The following CDH9 variants were observed in gnomAD, a reference collection of about 807,000 sequenced individuals.
CDH9 encodes cadherin-9.
Under a neutral mutation model 70.9 loss-of-function variants are expected in CDH9, and 28 were observed. The observed-to-expected ratio is 0.40, with a 90% CI of 0.29 to 0.54. The LOEUF (loss-of-function observed/expected upper bound fraction) is 0.54, where lower values mean the gene tolerates loss of function less well. CDH9 is among the 20% of genes least tolerant of loss of function. CDH9 has a pLI of 0.59. For synonymous variants in CDH9, 409 were observed against 343.1 expected, an observed-to-expected ratio of 1.19 and a Z score of -2.12; for missense variants, 874 against 984.4, an observed-to-expected ratio of 0.89 and a Z score of 1.50.
At chr5:27,019,580 C>A (rs1743102122) in intron 1 of CDH9, among the ~76,000 whole-genome samples, 1 of 151,710 alleles carries the variant, frequency 6.6e-6, no homozygotes, top group Non-Finnish European at 1.5e-5. Context: ...TTATATGTAG[C>A]ATTTACATAT....
chr5:26,942,618 GA>G (rs1741683254), intron 2 of CDH9, among the ~76,000 whole-genome samples: 1 of 152,078 alleles, frequency 6.6e-6, no homozygotes, highest in African/African-American at 2.4e-5. Context: ...TTTTGGCCAA[GA>G]CAGGATAAGA....
chr5:26,988,013 T>A, intron 2 of CDH9, 93 bp downstream of exon 2: 1 of 820,616 alleles, frequency 1.2e-6, no homozygotes, highest in South Asian at 1.7e-5. Flanking sequence ...AGTTAAATAT[T>A]TTTTAATAAT....
chr5:27,004,198 A>G (rs1433587087), intron 1 of CDH9, among the ~76,000 whole-genome samples: 1 of 151,754 alleles, frequency 6.6e-6, no homozygotes, highest in Non-Finnish European at 1.5e-5. Context: ...AGACATGATG[A>G]TATCAATGGG....
chr5:27,008,032 A>G (rs1742897402), intron 1 of CDH9, among the ~76,000 whole-genome samples: 1 of 152,220 alleles, frequency 6.6e-6, no homozygotes. Flanking sequence ...CATGTGGAAC[A>G]GAAAAACTGA....
At chr5:27,005,093 G>T (rs1467598140) in intron 1 of CDH9, among the ~76,000 whole-genome samples, 1 of 151,882 alleles carries the variant, frequency 6.6e-6, no homozygotes, top group African/African-American at 2.4e-5. Context: ...GTAATAGGAT[G>T]GACAATTCTT....
intron 11 of CDH9, among the ~76,000 whole-genome samples, chr5:26,884,771 T>G (rs1332697911): frequency 6.6e-6 from 1 of 152,146 alleles, no homozygotes; most frequent in African/African-American, 2.4e-5. Flanking sequence ...TCTCCTGCCC[T>G]AAGCATAAGC....
At chr5:26,970,337 T>C (rs1196254493) in intron 2 of CDH9, among the ~76,000 whole-genome samples, 1 of 152,012 alleles carries the variant, frequency 6.6e-6, no homozygotes, top group Non-Finnish European at 1.5e-5. Context: ...TTCAAGTAGC[T>C]ATGTAAAGAA....
chr5:26,974,260 AAG>A (rs1742268186), intron 2 of CDH9, among the ~76,000 whole-genome samples: 1 of 152,092 alleles, frequency 6.6e-6, no homozygotes, highest in South Asian at 2.1e-4. Flanking sequence ...ATAGAAAAGA[AAG>A]AAGTTAAAAA....
At chr5:26,881,674 T>G in intron 11 of CDH9, 51 bp from the exon 12 acceptor site, 1 of 1,505,670 alleles carries the variant, frequency 6.6e-7, no homozygotes, top group Non-Finnish European at 8.9e-7. Context: ...CAGGATAAAA[T>G]AGAGTACACT....
chr5:27,026,162 GA>G (rs1743217437), intron 1 of CDH9, among the ~76,000 whole-genome samples: 2 of 151,776 alleles, frequency 1.3e-5, no homozygotes. Context: ...AATCAAGCAA[GA>G]AAAAAATAGA....
At chr5:26,963,136 G>T (rs756784599) in intron 2 of CDH9, among the ~76,000 whole-genome samples, 1 of 152,068 alleles carries the variant, frequency 6.6e-6, no homozygotes, top group Non-Finnish European at 1.5e-5. Context: ...TTATTAAATC[G>T]CATTAGAATT....
intron 1 of CDH9, among the ~76,000 whole-genome samples, chr5:27,000,239 A>G (rs1321891356): frequency 2.6e-5 from 4 of 152,180 alleles, no homozygotes; most frequent in Non-Finnish European, 5.9e-5. Context: ...CAAAGAAGAT[A>G]TACATATGAG....
chr5:26,954,388 C>CTTTTTTTTT (rs59882843), intron 2 of CDH9, among the ~76,000 whole-genome samples: 45,474 of 92,526 alleles, frequency 0.49, 14,130 homozygotes, highest in South Asian at 0.62. Flanking sequence ...TACAGCCTTT[C>CTTTTTTTTT]TTTTTTTTTT....
chr5:26,910,365 C>T (rs1345902530), intron 3 of CDH9, among the ~76,000 whole-genome samples: 1 of 152,104 alleles, frequency 6.6e-6, no homozygotes, highest in Non-Finnish European at 1.5e-5. Flanking sequence ...TTTCTACACA[C>T]AGATAGTATA....
intron 2 of CDH9, among the ~76,000 whole-genome samples, chr5:26,956,866 T>C (rs901987119): frequency 1.3e-5 from 2 of 152,142 alleles, no homozygotes; most frequent in Non-Finnish European, 2.9e-5. Flanking sequence ...ATCATCATAA[T>C]AGCAATCACT....
chr5:26,902,650 T>C lies in CDH9; in HGVS notation c.1079A>G (p.His360Arg). The C allele has an allele frequency of 6.3e-7, 1 of 1,593,226 alleles. No individual in the cohort carries two copies. The highest frequency in any genetic ancestry group is 8.6e-7 in the Non-Finnish European group (1 of 1,161,448). The change falls in exon 7 of 12, where the codon CAC becomes CGC. Residue 360 changes from histidine to arginine, a missense_variant. Physicochemically the swap from His to Arg is conservative, Grantham distance 29 (BLOSUM62 0). Transcript: ENST00000231021. The part of the protein sequence containing the change: ...SNTHPDPRFL[H>R]LGPFKDTAVV... The stretch of plus-strand genomic sequence containing the variant: ...AGCTGTATCTTTGAAAGGTCCCAGG[T>C]GTAAGAATCGTGGATCAGGGTGAGT...
chr5:26,894,700 A>G (rs1740716265), intron 7 of CDH9, among the ~76,000 whole-genome samples: 1 of 152,164 alleles, frequency 6.6e-6, no homozygotes, highest in South Asian at 2.1e-4. Context: ...ACAAATGACC[A>G]GAAAGAGCCT....
At chr5:27,026,348 C>T (rs1020934157) in intron 1 of CDH9, among the ~76,000 whole-genome samples, 3 of 151,396 alleles carry the variant, frequency 2.0e-5, no homozygotes, top group Non-Finnish European at 4.4e-5. Flanking sequence ...GTTAACATAC[C>T]AGGGCTGTTT....
intron 1 of CDH9, among the ~76,000 whole-genome samples, chr5:27,013,411 T>A (rs956286390): frequency 1.3e-5 from 2 of 152,012 alleles, no homozygotes; most frequent in African/African-American, 4.8e-5. Context: ...CCTACATTTA[T>A]CTTTTAACAT....
Sources: gnomAD v4.1 joint callset for allele counts (sites outside exome capture counted in the v4.1 genomes callset) on GRCh38, gnomAD v4.1.1 for gene constraint, MANE v1.5 for transcripts, NCBI Gene and HGNC (gene_info 2026-07-23, HGNC 2026-07-21) for gene names.